PACC1: variants seen among roughly 807,000 people sequenced by gnomAD.
The protein encoded by PACC1 is proton-activated chloride channel.
A neutral mutation model predicts 39.7 loss-of-function variants in PACC1; 34 were observed. That is an observed-to-expected ratio of 0.86 (90% confidence interval 0.65 to 1.14). PACC1 has a LOEUF of 1.14. Ranked by LOEUF, PACC1 falls within the 50% of genes most tolerant of loss-of-function variation. The pLI, the probability that PACC1 is intolerant of heterozygous loss-of-function variation, is 0.00. For synonymous variants in PACC1, 127 were observed against 160.6 expected (o/e 0.79, Z 1.58); for missense variants, 379 against 436.4 (o/e 0.87, Z 1.17).
Position 212,386,851 on chromosome 1 carries a change from G to C in PACC1, c.343+40C>G, listed in dbSNP as rs771425661. The stretch of plus-strand genomic sequence containing the variant: ...GGAGTATCTGCCAGCTGACACCCTA[G>C]ATCTGGGGCCCTGATGCCTGGCCCA... On this transcript the variant is annotated intron_variant, in intron 3 of 7. Transcript: ENST00000261455. This position sits in a 1 kb window ranked among gnomAD's most constrained non-coding sequence, Gnocchi z 5.0. 1.7e-5 allele frequency: 28 copies of C among 1,602,132 alleles called. No individual in the cohort carries two copies. In the South Asian group the frequency reaches 2.8e-4, roughly 16 times the overall value.
Position 212,385,402 on chromosome 1 carries a change from C to A in PACC1, c.367G>T (p.Ala123Ser), listed in dbSNP as rs1257646458. Residue 123 changes from alanine (A) to serine (S), a missense_variant, in exon 4 of 8, where the codon GCC becomes TCC. Physicochemically the swap from Ala to Ser is moderately conservative, Grantham distance 99. Transcript: ENST00000261455. Reference sequence around the variant, plus strand: ...TGGTGCTTACAGCTGAGCAACTGGGCCTGACCGGGGTACAAGGCAATACCT... The same window carrying A: ...TGGTGCTTACAGCTGAGCAACTGGGACTGACCGGGGTACAAGGCAATACCT... Reference protein sequence around the residue: ...APGIALYPGQAQLLSCKHHYE... With the variant: ...APGIALYPGQSQLLSCKHHYE... The A allele has an allele frequency of 3.7e-6, 6 of 1,614,014 alleles. No homozygotes were observed. The highest frequency in any genetic ancestry group is 5.1e-6 in the Non-Finnish European group (6 of 1,179,986).
rs181436451 is a variant in PACC1 at position 212,380,844 on chromosome 1, C to T, written c.496-807G>A. Among the ~76,000 whole-genome samples, 131 of 152,276 alleles carry T rather than the reference C, an allele frequency of 8.6e-4. 1 individual carries two copies. The highest frequency in any genetic ancestry group is 2.7e-3 in the African/African-American group (112 of 41,560). On this transcript the variant is annotated intron_variant, in intron 4 of 7. Coordinates refer to ENST00000261455, the MANE Select transcript of PACC1 (RefSeq NM_018252.3). ...CAAACTTGTCTTGGTTATTTTTGAA[C>T]GTGTTCTAAGTATGCTTTAAGACTA...
intron 5 of PACC1, among the ~76,000 whole-genome samples, chr1:212,378,301 G>A (rs1176142402): frequency 6.6e-6 from 1 of 152,252 alleles, no homozygotes; most frequent in Non-Finnish European, 1.5e-5. Context: ...GGAGCGTGGA[G>A]TGGGGGTGGG....
Position 212,375,127 on chromosome 1 carries a change from T to C in PACC1, c.891+66A>G, listed in dbSNP as rs149457172. On this transcript the variant is annotated intron_variant, in intron 7 of 7. Transcript: ENST00000261455. ...CAGCATCATAATCTTAAATAATACA[T>C]CTATCATAATCTTAAATAATACTAT... The C allele has an allele frequency of 5.8e-4, 740 of 1,276,852 alleles. 3 individuals carry two copies. In the African/African-American group the frequency reaches 8.9e-3, roughly 15 times the overall value. The allele number at this position is 1,276,852 out of a possible 1,614,324, so 79.1% of individuals were successfully genotyped here.
intron 4 of PACC1, among the ~76,000 whole-genome samples, chr1:212,381,100 C>A (rs1660862525): frequency 6.6e-6 from 1 of 152,148 alleles, no homozygotes; most frequent in South Asian, 2.1e-4. Context: ...AATTCTTATC[C>A]TTTCTAGTTT....
intron 7 of PACC1, among the ~76,000 whole-genome samples, chr1:212,374,990 T>C (rs989186562): frequency 9.2e-5 from 14 of 152,100 alleles, no homozygotes; most frequent in Admixed American, 8.5e-4. Context: ...ACAAAGAATA[T>C]ATAACATTGA....
At chr1:212,392,343 G>C (rs1661353934) in intron 2 of PACC1, among the ~76,000 whole-genome samples, 1 of 152,134 alleles carries the variant, frequency 6.6e-6, no homozygotes, top group Non-Finnish European at 1.5e-5. Flanking sequence ...GCCAAACTAA[G>C]CTTCATAAGT....
intron 1 of PACC1, chr1:212,414,052 T>C: frequency 6.5e-7 from 1 of 1,535,290 alleles, no homozygotes; most frequent in Non-Finnish European, 8.7e-7. Context: ...GAGGCAGGGC[T>C]TGCTTGAAGG....
intron 2 of PACC1, chr1:212,410,131 A>G (rs1351017059): frequency 2.8e-6 from 1 of 353,268 alleles, no homozygotes; most frequent in African/African-American, 2.1e-5. Flanking sequence ...CTCACCTGCT[A>G]GCAGTTTCCA....
rs554399561 is a variant in PACC1 at position 212,411,836 on chromosome 1, A to G, written c.37-1315T>C. Among the ~76,000 whole-genome samples the G allele has an allele frequency of 5.3e-5, 8 of 152,298 alleles. No homozygotes were observed. The South Asian group carries it at 1.0e-3, about 20-fold the overall frequency. ...ATCTCCAGTTTAAAGCCCTCGAAGC[A>G]CAAAAGAAAAGGCCAGGTGCGGGGC... On this transcript the variant is annotated intron_variant, in intron 1 of 7. Transcript: ENST00000261455.
chr1:212,399,176 T>C (rs1661625224), intron 2 of PACC1, among the ~76,000 whole-genome samples: 1 of 152,214 alleles, frequency 6.6e-6, no homozygotes, highest in South Asian at 2.1e-4. Flanking sequence ...AAGATAAAAC[T>C]GAAGGAACTC....
intron 4 of PACC1, among the ~76,000 whole-genome samples, chr1:212,382,753 G>A (rs1283885660): frequency 1.3e-5 from 2 of 152,212 alleles, no homozygotes; most frequent in African/African-American, 4.8e-5. Context: ...CAGGAAGTGA[G>A]TGGCACAAGC....
At chr1:212,388,945 G>A (rs1372508028) in intron 2 of PACC1, among the ~76,000 whole-genome samples, 1 of 152,114 alleles carries the variant, frequency 6.6e-6, no homozygotes, top group Non-Finnish European at 1.5e-5. Flanking sequence ...GTATCTGCTT[G>A]GCATCTGGCT....
At chr1:212,370,146 C>G (rs752735599) in intron 7 of PACC1, among the ~76,000 whole-genome samples, 106 of 152,170 alleles carry the variant, frequency 7.0e-4, no homozygotes, top group Admixed American at 1.6e-3. Flanking sequence ...ATACTCTAGA[C>G]CAAATGGACC....
intron 2 of PACC1, among the ~76,000 whole-genome samples, chr1:212,392,267 G>C (rs1661349557): frequency 6.6e-6 from 1 of 152,040 alleles, no homozygotes; most frequent in Non-Finnish European, 1.5e-5. Flanking sequence ...CTACAAGCCA[G>C]AAGAGTGGGG....
At chr1:212,414,069 T>A in intron 1 of PACC1, 4 of 1,534,284 alleles carry the variant, frequency 2.6e-6, no homozygotes, top group Non-Finnish European at 3.5e-6. Flanking sequence ...AAGGAAGCGC[T>A]GGACGCACAG....
intron 7 of PACC1, among the ~76,000 whole-genome samples, chr1:212,369,459 G>C (rs1660364617): frequency 6.6e-6 from 1 of 152,172 alleles, no homozygotes; most frequent in Admixed American, 6.5e-5. Context: ...ACAGCGTATA[G>C]TTCACCTGTA....
intron 5 of PACC1, among the ~76,000 whole-genome samples, chr1:212,378,812 T>G (rs1244263357): frequency 6.6e-6 from 1 of 152,256 alleles, no homozygotes; most frequent in Middle Eastern, 3.4e-3. Flanking sequence ...GGATTTTCTT[T>G]TGCCTCTGCC....
chr1:212,374,364 A>G (rs775269174), intron 7 of PACC1, among the ~76,000 whole-genome samples: 1 of 152,168 alleles, frequency 6.6e-6, no homozygotes, highest in Admixed American at 6.5e-5. Flanking sequence ...TTAAAAAAAA[A>G]TGAGTCTCAT....
Sources: allele counts gnomAD v4.1 joint callset (sites outside exome capture counted in the v4.1 genomes callset), GRCh38; gene constraint gnomAD v4.1.1; non-coding constraint Gnocchi (gnomAD v3.1); transcripts MANE v1.5; gene names NCBI Gene and HGNC (gene_info 2026-07-23, HGNC 2026-07-21).